ZSWIM6: variants seen among roughly 807,000 people sequenced by gnomAD.
ZSWIM6 encodes zinc finger SWIM-type containing 6, also known as zinc finger SWIM domain-containing protein 6.
In ZSWIM6, 9 loss-of-function variants were observed where a neutral mutation model predicts 113.2. The ratio of observed to expected loss-of-function variants is 0.08; its 90% CI spans 0.05 to 0.14. The LOEUF is 0.14. Ranked by LOEUF, ZSWIM6 falls within the 10% of genes least tolerant of loss-of-function variation. The pLI is 1.00. For synonymous variants in ZSWIM6, 611 were observed against 606.5 expected (o/e 1.01, Z -0.11); for missense variants, 1,162 against 1,552.2 (o/e 0.75, Z 4.22).
intron 2 of ZSWIM6, among the ~76,000 whole-genome samples, chr5:61,484,428 T>C (rs998847316): frequency 1.3e-5 from 2 of 152,206 alleles, no homozygotes; most frequent in African/African-American, 2.4e-5. Flanking sequence ...CAGTAGCTAA[T>C]TAGAGTTTTC....
chr5:61,428,226 A>G (rs965531284), intron 1 of ZSWIM6, among the ~76,000 whole-genome samples: 1 of 152,216 alleles, frequency 6.6e-6, no homozygotes, highest in Admixed American at 6.5e-5. Flanking sequence ...AAGGACTGTC[A>G]TATGTTTTTT....
rs145427139 is a variant in ZSWIM6 at position 61,455,602 on chromosome 5, C to T, written c.677-17079C>T. Among the ~76,000 whole-genome samples the T allele has an allele frequency of 5.6e-3, 855 of 152,208 alleles. 8 individuals carry two copies. Among genetic ancestry groups the T allele is most frequent in the Middle Eastern group, 6.8e-3 (2 of 294 alleles). ...GCAATGAGAAGGGGCACCTGACTTC[C>T]GCAAGGAAGGAGAGAGGGAGCAGAC... is the stretch of plus-strand genomic sequence containing the variant. On this transcript the variant is annotated intron_variant, in intron 1 of 13. Coordinates refer to ENST00000252744, the MANE Select transcript of ZSWIM6 (RefSeq NM_020928.2).
At chr5:61,434,118 AATAT>A (rs1746646655) in intron 1 of ZSWIM6, among the ~76,000 whole-genome samples, 2 of 147,390 alleles carry the variant, frequency 1.4e-5, no homozygotes, top group Non-Finnish European at 3.0e-5. Flanking sequence ...AACATCTATA[AATAT>A]ATGTATAATA....
intron 13 of ZSWIM6, among the ~76,000 whole-genome samples, chr5:61,542,360 G>C (rs1749764064): frequency 6.6e-6 from 1 of 152,186 alleles, no homozygotes; most frequent in Non-Finnish European, 1.5e-5. Context: ...CCAGATGTGT[G>C]AGCAATTGTA....
At chr5:61,483,478 A>G (rs1747930987) in intron 2 of ZSWIM6, among the ~76,000 whole-genome samples, 2 of 152,134 alleles carry the variant, frequency 1.3e-5, no homozygotes, top group Admixed American at 6.5e-5. Context: ...TACATTTGCT[A>G]TTAGATTTTT....
chr5:61,451,667 ATT>A (rs1253847388), intron 1 of ZSWIM6, among the ~76,000 whole-genome samples: 2 of 152,228 alleles, frequency 1.3e-5, no homozygotes, highest in Non-Finnish European at 2.9e-5. Context: ...GAGAAGGCAG[ATT>A]TCTCATTAGA....
At chr5:61,514,660 A>T (rs190024111) in intron 4 of ZSWIM6, among the ~76,000 whole-genome samples, 1 of 152,126 alleles carries the variant, frequency 6.6e-6, no homozygotes, top group East Asian at 1.9e-4. Context: ...TAGTCTAAAT[A>T]TGGTGAATTA....
intron 10 of ZSWIM6, 72 bp downstream of exon 10, chr5:61,535,691 T>C (rs1749556605): frequency 6.6e-6 from 10 of 1,513,528 alleles, no homozygotes; most frequent in Non-Finnish European, 8.9e-6. Flanking sequence ...TTAACTGACT[T>C]ACTCCTTCAT....
At chr5:61,344,417 G>A (rs1016144343) in intron 1 of ZSWIM6, among the ~76,000 whole-genome samples, 1 of 152,184 alleles carries the variant, frequency 6.6e-6, no homozygotes, top group Non-Finnish European at 1.5e-5. Flanking sequence ...AGACTTGAGG[G>A]CAGCAGGTGC....
In ZSWIM6 at chr5:61,481,532, A is replaced by T. The variant is rs992780492; in HGVS notation, c.1033+8495A>T. ...ATTTTTATCCCCAGCAAAGATTCTG[A>T]TTCAGTGGGTCTGAAGTGGTATCTC... On this transcript the variant is annotated intron_variant, in intron 2 of 13. Coordinates refer to ENST00000252744, the MANE Select transcript of ZSWIM6 (RefSeq NM_020928.2). Among the ~76,000 whole-genome samples the T allele has an allele frequency of 2.0e-5, 3 of 152,080 alleles. No homozygotes were observed. The East Asian group carries it at 5.8e-4, about 29-fold the overall frequency.
At chr5:61,412,215 C>T (rs1237953617) in intron 1 of ZSWIM6, among the ~76,000 whole-genome samples, 2 of 152,176 alleles carry the variant, frequency 1.3e-5, no homozygotes, top group Non-Finnish European at 2.9e-5. Context: ...AAGAGAAAAA[C>T]TTCACAGGAG....
chr5:61,423,279 A>T (rs1746391113), intron 1 of ZSWIM6, among the ~76,000 whole-genome samples: 2 of 152,062 alleles, frequency 1.3e-5, no homozygotes, highest in African/African-American at 4.8e-5. Context: ...ATGGTGGCGG[A>T]TGCCTGTAAT....
intron 1 of ZSWIM6, among the ~76,000 whole-genome samples, chr5:61,335,241 G>T (rs1332426965): frequency 6.6e-6 from 1 of 152,160 alleles, no homozygotes; most frequent in Admixed American, 6.5e-5. Context: ...CTGAAGAGTT[G>T]ACCACCACTT....
At chr5:61,377,391 G>C (rs574192188) in intron 1 of ZSWIM6, among the ~76,000 whole-genome samples, 4 of 150,682 alleles carry the variant, frequency 2.7e-5, no homozygotes, top group Non-Finnish European at 3.0e-5. Flanking sequence ...ATAAAACCCT[G>C]AAACAATAAA....
At chr5:61,397,609 T>C (rs904266311) in intron 1 of ZSWIM6, among the ~76,000 whole-genome samples, 1 of 152,158 alleles carries the variant, frequency 6.6e-6, no homozygotes, top group Non-Finnish European at 1.5e-5. Context: ...TTAAAAGAAT[T>C]CCAAAAGTAG....
intron 1 of ZSWIM6, among the ~76,000 whole-genome samples, chr5:61,333,871 C>T (rs920443790): frequency 1.3e-5 from 2 of 152,090 alleles, no homozygotes; most frequent in African/African-American, 4.8e-5. Flanking sequence ...GAGCCGCGGT[C>T]GGCAGTTGCG....
chr5:61,338,751 C>G (rs1167229142), intron 1 of ZSWIM6, among the ~76,000 whole-genome samples: 2 of 152,154 alleles, frequency 1.3e-5, no homozygotes, highest in Non-Finnish European at 2.9e-5. Flanking sequence ...TAATTTCTTG[C>G]AACTCAGTTG....
At chr5:61,405,604 A>T (rs536209999) in intron 1 of ZSWIM6, among the ~76,000 whole-genome samples, 5 of 152,232 alleles carry the variant, frequency 3.3e-5, no homozygotes, top group Admixed American at 2.6e-4. Context: ...GGTATTCCAG[A>T]TACAGGAAAA....
intron 2 of ZSWIM6, among the ~76,000 whole-genome samples, chr5:61,482,133 G>C (rs1747882223): frequency 6.6e-6 from 1 of 152,178 alleles, no homozygotes; most frequent in South Asian, 2.1e-4. Context: ...ATTATAGACA[G>C]CCGTTAACAA....
Sources: allele counts gnomAD v4.1 joint callset (sites outside exome capture counted in the v4.1 genomes callset), GRCh38; gene constraint gnomAD v4.1.1; transcripts MANE v1.5; gene names NCBI Gene and HGNC (gene_info 2026-07-23, HGNC 2026-07-21).